Variants in ACTR3C observed in about 807,000 individuals in gnomAD.
ACTR3C encodes the protein actin-related protein 3C.
Under a neutral mutation model 26.3 loss-of-function variants are expected in ACTR3C, and 18 were observed. That is an observed-to-expected ratio of 0.68 (90% confidence interval 0.47 to 1.01). The LOEUF is 1.01. ACTR3C is among the 50% of genes least tolerant of loss of function. ACTR3C has a pLI of 0.00. For missense variants in ACTR3C, 184 were observed against 250.7 expected (o/e 0.73, Z 1.80); for synonymous variants, 55 against 94.5 (o/e 0.58, Z 2.42).
In ACTR3C at chr7:150,252,995, T is replaced by C. The variant is rs147642594; in HGVS notation, c.565-3941A>G. The stretch of plus-strand genomic sequence containing the variant: ...GCAGCGGTAAGCCCTTCTTGACTCT[T>C]TTCTGCAGGTTGTGGATGAGAGAGC... On this transcript the variant is annotated intron_variant, in intron 6 of 7. Transcript: ENST00000683684. Among the ~76,000 whole-genome samples, 85 of 151,526 alleles carry C rather than the reference T, an allele frequency of 5.6e-4. 2 individuals carry two copies. The highest frequency in any genetic ancestry group is 2.0e-3 in the African/African-American group (80 of 40,806).
intron 6 of ACTR3C, among the ~76,000 whole-genome samples, chr7:150,283,837 G>A (rs568434789): frequency 1.3e-5 from 2 of 150,122 alleles, no homozygotes; most frequent in South Asian, 2.1e-4. Context: ...CTGAGCTGAC[G>A]GCGCGACTCA....
chr7:150,141,561 GT>G, the ACTR3C span, among the ~76,000 whole-genome samples: 73 of 151,328 alleles, frequency 4.8e-4, no homozygotes, highest in African/African-American at 1.6e-3. Context: ...TATTGTTATT[GT>G]CATTCTCTTT....
chr7:150,082,210 C>T, the ACTR3C span, among the ~76,000 whole-genome samples: 1 of 152,146 alleles, frequency 6.6e-6, no homozygotes, highest in East Asian at 1.9e-4. Flanking sequence ...TCAACTCATA[C>T]AGGGGAAAAA....
chr7:149,975,121 C>CT, the ACTR3C span, among the ~76,000 whole-genome samples: 1 of 152,172 alleles, frequency 6.6e-6, no homozygotes, highest in Non-Finnish European at 1.5e-5. Context: ...GAAACATTCT[C>CT]TAAAATAGAC....
chr7:149,947,581 C>T, the ACTR3C span, among the ~76,000 whole-genome samples: 1 of 100,782 alleles, frequency 9.9e-6, no homozygotes. Context: ...AACAACAGGC[C>T]CAGAGCCAAG....
At chr7:150,099,303 C>T in the ACTR3C span, among the ~76,000 whole-genome samples, 1 of 151,868 alleles carries the variant, frequency 6.6e-6, no homozygotes, top group Non-Finnish European at 1.5e-5. Context: ...CCTATCCTCT[C>T]CACAGGATGG....
chr7:150,036,168 C>T, the ACTR3C span, among the ~76,000 whole-genome samples: 4 of 137,854 alleles, frequency 2.9e-5, 1 homozygote, highest in Admixed American at 2.1e-4. Context: ...GCCTCCCCCC[C>T]CGCGATGGGA....
the ACTR3C span, among the ~76,000 whole-genome samples, chr7:150,111,682 G>A: frequency 7.8e-6 from 1 of 127,624 alleles, no homozygotes; most frequent in Non-Finnish European, 1.6e-5. Flanking sequence ...CTGCACACCA[G>A]AGAGCCGCCC....
intron 6 of ACTR3C, chr7:150,264,979 C>T (rs1833921972): frequency 1.5e-6 from 1 of 666,944 alleles, no homozygotes. Context: ...ACTCCACCTT[C>T]TTAAGACATA....
At chr7:149,933,676 C>G in the ACTR3C span, among the ~76,000 whole-genome samples, 2 of 152,312 alleles carry the variant, frequency 1.3e-5, no homozygotes, top group Non-Finnish European at 2.9e-5. Context: ...CACACAGAGT[C>G]TGGGTGTTGA....
chr7:150,070,136 G>A, the ACTR3C span, among the ~76,000 whole-genome samples: 1 of 152,210 alleles, frequency 6.6e-6, no homozygotes, highest in Non-Finnish European at 1.5e-5. Flanking sequence ...AGGAAGCACT[G>A]TTATGATGCA....
chr7:149,932,255 A>G, the ACTR3C span, among the ~76,000 whole-genome samples: 1 of 152,240 alleles, frequency 6.6e-6, no homozygotes, highest in African/African-American at 2.4e-5. Context: ...GACTCCATTT[A>G]TATGACACGG....
chr7:149,998,978 G>A, the ACTR3C span, among the ~76,000 whole-genome samples: 4 of 150,212 alleles, frequency 2.7e-5, 1 homozygote, highest in East Asian at 8.6e-4. Context: ...AGCACCCAAG[G>A]CCTCCTGCCA....
the ACTR3C span, among the ~76,000 whole-genome samples, chr7:149,928,410 C>T: frequency 1.5e-5 from 2 of 135,174 alleles, no homozygotes; most frequent in East Asian, 2.1e-4. Context: ...TTAGTAGAGA[C>T]GGGGTTTCAC....
chr7:150,039,995 G>T, the ACTR3C span, among the ~76,000 whole-genome samples: 154 of 140,892 alleles, frequency 1.1e-3, 7 homozygotes, highest in Non-Finnish European at 1.2e-3. Flanking sequence ...CCCCCACTGC[G>T]ATAGTGGTCC....
chr7:149,947,061 C>T, the ACTR3C span, among the ~76,000 whole-genome samples: 8 of 151,748 alleles, frequency 5.3e-5, no homozygotes, highest in East Asian at 1.2e-3. Flanking sequence ...GGGGGTACCA[C>T]GGTGGGGAGT....
chr7:150,151,936 T>C, the ACTR3C span, among the ~76,000 whole-genome samples: 2 of 138,928 alleles, frequency 1.4e-5, 1 homozygote, highest in Non-Finnish European at 3.2e-5. Flanking sequence ...AGCGTTTATA[T>C]GTTTGTCTGT....
chr7:150,314,771 CA>C lies in ACTR3C; in HGVS notation c.-52+8697del, dbSNP rs763541852. ...GCAACATGGCAAAATCCCATCTCTC[CA>C]AAAAAAAAAAAAAAACAACAACAAC... On this transcript the variant is annotated intron_variant, in intron 1 of 7. Coordinates refer to ENST00000683684, the MANE Select transcript of ACTR3C (RefSeq NM_001164458.2). Among the ~76,000 whole-genome samples, 574 of 90,334 alleles carry C rather than the reference CA, an allele frequency of 6.4e-3. 12 individuals are homozygous for C. The highest frequency in any genetic ancestry group is 4.4e-3 in the African/African-American group (106 of 24,230). 59.3% of individuals were successfully genotyped at this position (90,334 alleles called of 152,430 possible).
At chr7:149,994,955 A>C in the ACTR3C span, among the ~76,000 whole-genome samples, 1 of 151,242 alleles carries the variant, frequency 6.6e-6, no homozygotes, top group Non-Finnish European at 1.5e-5. Flanking sequence ...CCCAGGTTCA[A>C]GTGATTCTCT....
Sources: gnomAD v4.1 joint callset for allele counts (sites outside exome capture counted in the v4.1 genomes callset) on GRCh38, gnomAD v4.1.1 for gene constraint, MANE v1.5 for transcripts, NCBI Gene and HGNC (gene_info 2026-07-23, HGNC 2026-07-21) for gene names.